SELENOT: variants seen among roughly 807,000 people sequenced by gnomAD.
The protein encoded by SELENOT is selenoprotein T, also known as thioredoxin reductase-like selenoprotein T.
SELENOT carries 9 observed loss-of-function variants against 24.3 expected under a neutral mutation model. The ratio of observed to expected loss-of-function variants is 0.37; its 90% confidence interval spans 0.22 to 0.65. The LOEUF (loss-of-function observed/expected upper bound fraction) is 0.65, where lower values mean the gene tolerates loss of function less well. SELENOT is among the 30% of genes least tolerant of loss of function. The pLI is 0.60. For missense variants in SELENOT, 166 were observed against 247.6 expected, an observed-to-expected ratio of 0.67 and a Z score of 2.21; for synonymous variants, 81 against 86.0, an observed-to-expected ratio of 0.94 and a Z score of 0.32.
intron 1 of SELENOT, chr3:150,611,648 C>G (rs892228922): frequency 1.3e-6 from 2 of 1,592,636 alleles, no homozygotes; most frequent in Admixed American, 1.7e-5. Flanking sequence ...ATATGCTCTT[C>G]TGGATCCTCT....
At chr3:150,605,421 AG>A (rs1490188833) in intron 1 of SELENOT, among the ~76,000 whole-genome samples, 2 of 152,176 alleles carry the variant, frequency 1.3e-5, no homozygotes, top group Non-Finnish European at 2.9e-5. Context: ...AACGTAGGGA[AG>A]GGCATTCAGT....
chr3:150,603,546 G>A (rs773545439), intron 1 of SELENOT, 47 bp downstream of exon 1: 90 of 1,528,522 alleles, frequency 5.9e-5, no homozygotes, highest in Non-Finnish European at 6.8e-5. Flanking sequence ...GCCTCTGCTC[G>A]GCGCCATTGG....
intron 1 of SELENOT, among the ~76,000 whole-genome samples, chr3:150,607,385 A>G (rs1032744045): frequency 6.6e-6 from 1 of 152,208 alleles, no homozygotes; most frequent in African/African-American, 2.4e-5. Context: ...TAAAATGCTG[A>G]ATTGGAGAAA....
intron 4 of SELENOT, 39 bp from the exon 5 acceptor site, chr3:150,626,971 C>G: frequency 6.3e-7 from 1 of 1,596,244 alleles, no homozygotes; most frequent in Non-Finnish European, 8.5e-7. Context: ...ATAAAATCAT[C>G]TTTAATTTTT....
intron 1 of SELENOT, chr3:150,611,557 A>G (rs930688487): frequency 8.3e-7 from 1 of 1,205,164 alleles, no homozygotes; most frequent in Non-Finnish European, 1.2e-6. Context: ...TCTGTTTCGA[A>G]TACTCTGAAT....
In SELENOT at chr3:150,622,420, A is replaced by G. The variant is rs1282371048; in HGVS notation, c.173A>G (p.Tyr58Cys). Reference sequence around the variant, plus strand: ...GGTTATAGGCGGGTGTTTGAGGAGTACATGCGGGTTATTAGCCAGCGGTAC... The same window carrying G: ...GGTTATAGGCGGGTGTTTGAGGAGTGCATGCGGGTTATTAGCCAGCGGTAC... ...SUGYRRVFEE[Y>C]MRVISQRYPD... Residue 58 changes from tyrosine to cysteine, a missense_variant, in exon 2 of 6, where the codon TAC becomes TGC. Tyr to Cys is a radical substitution (Grantham distance 194). Transcript: ENST00000471696. The G allele has an allele frequency of 1.3e-6, 2 of 1,495,422 alleles. No individual in the cohort carries two copies. Among genetic ancestry groups the G allele is most frequent in the African/African-American group, 2.8e-5 (2 of 71,456 alleles). The allele number at this position is 1,495,422 out of a possible 1,614,324, so 92.6% of individuals were successfully genotyped here. A position where few individuals can be genotyped will look rare whatever the true frequency, so the allele number is the denominator to read the frequency against.
At chr3:150,612,573 A>G (rs1006106461) in intron 1 of SELENOT, among the ~76,000 whole-genome samples, 5 of 152,348 alleles carry the variant, frequency 3.3e-5, no homozygotes, top group East Asian at 1.9e-4. Context: ...TATTTGCTCA[A>G]TTATAAAGTG....
At chr3:150,617,316 T>C (rs972495516) in intron 1 of SELENOT, among the ~76,000 whole-genome samples, 1 of 152,174 alleles carries the variant, frequency 6.6e-6, no homozygotes, top group Non-Finnish European at 1.5e-5. Context: ...TTTAACAAAT[T>C]GAGGAAAGGC....
Position 150,623,296 on chromosome 3 carries a change from C to CAGTTTTAT in SELENOT, c.375+128_375+135dup, listed in dbSNP as rs1726379422. 6 of 880,464 alleles carry CAGTTTTAT rather than the reference C, an allele frequency of 6.8e-6. No individual in the cohort carries two copies. The East Asian group carries it at 2.0e-4, about 29-fold the overall frequency. The allele number at this position is 880,464 out of a possible 1,614,324, so 54.5% of individuals were successfully genotyped here. On this transcript the variant is annotated intron_variant, in intron 3 of 5. Transcript: ENST00000471696. ...TAACATGTATTATTTTAATTTATAC[C>CAGTTTTAT]AGTTTTATCTCTGGGGAAGTCACTT...
intron 1 of SELENOT, among the ~76,000 whole-genome samples, chr3:150,605,414 G>A (rs976021759): frequency 2.0e-5 from 3 of 151,890 alleles, no homozygotes; most frequent in African/African-American, 7.3e-5. Context: ...GTAAACAAAC[G>A]TAGGGAAGGG....
Position 150,623,095 on chromosome 3 carries a change from A to G in SELENOT, c.301A>G (p.Ile101Val), listed in dbSNP as rs771762498. The G allele has an allele frequency of 2.9e-5, 46 of 1,605,732 alleles. 1 individual carries two copies. In the Middle Eastern group the frequency reaches 6.3e-4, roughly 22 times the overall value. ...VFKLVLIGLI[I>V]VGKDPFAFFG... ...CAAACTAGTATTAATAGGCTTAATA[A>G]TTGTTGGCAAGGATCCTTTTGCTTT... Residue 101 changes from isoleucine (I) to valine (V), a missense_variant, in exon 3 of 6, where the codon ATT becomes GTT. This residue lies in a region of SELENOT where 71 missense variants were observed against 89.2 expected (regional missense o/e 0.80). Coordinates refer to ENST00000471696, the MANE Select transcript of SELENOT (RefSeq NM_016275.5).
intron 1 of SELENOT, among the ~76,000 whole-genome samples, chr3:150,619,303 G>A (rs535036823): frequency 1.3e-5 from 2 of 151,998 alleles, no homozygotes; most frequent in South Asian, 2.1e-4. Flanking sequence ...AAGCCGAGGC[G>A]GGTGGATCAT....
At chr3:150,626,027 G>A (rs1457927964) in intron 4 of SELENOT, among the ~76,000 whole-genome samples, 1 of 151,948 alleles carries the variant, frequency 6.6e-6, no homozygotes, top group Non-Finnish European at 1.5e-5. Context: ...CTGCCACCAC[G>A]CCTGGCTAAT....
chr3:150,626,580 A>G (rs1043928136), intron 4 of SELENOT, among the ~76,000 whole-genome samples: 1 of 151,932 alleles, frequency 6.6e-6, no homozygotes, highest in Non-Finnish European at 1.5e-5. Context: ...TCCCTCAGCT[A>G]TGCTGATTTT....
rs3773610 is a variant in SELENOT at position 150,624,093 on chromosome 3, T to C, written c.376-719T>C. On this transcript the variant is annotated intron_variant, in intron 3 of 5. Transcript: ENST00000471696. ...AAATATATCTCTACCCTGTAGGTTT[T>C]ATGACATTTCCTTGTATATTGTTCC... Among the ~76,000 whole-genome samples, 238 of 152,296 alleles carry C rather than the reference T, an allele frequency of 1.6e-3. 4 individuals are homozygous for C. The East Asian group carries it at 0.041, about 26-fold the overall frequency.
At chr3:150,606,230 C>A (rs1161973178) in intron 1 of SELENOT, among the ~76,000 whole-genome samples, 1 of 147,942 alleles carries the variant, frequency 6.8e-6, no homozygotes, top group Admixed American at 6.9e-5. Flanking sequence ...GGAGCCTTGA[C>A]TTCCTGAGTT....
At position 150,630,332 on chromosome 3, in the gene SELENOT, C is replaced by T. The variant is rs755978603; in HGVS notation, c.*2703C>T. On this transcript the variant is annotated 3_prime_UTR_variant, in exon 6 of 6. Coordinates refer to ENST00000471696, the MANE Select transcript of SELENOT (RefSeq NM_016275.5). Reference sequence around the variant, plus strand: ...TTAAACATGGTGTGGTATTCTAAAGCCTTTTTTTTAAAAAAAGAGATCTTT... The same window carrying T: ...TTAAACATGGTGTGGTATTCTAAAGTCTTTTTTTTAAAAAAAGAGATCTTT... 6.6e-6 allele frequency: 1 copy of T among 151,892 alleles called. No homozygotes were observed. Among genetic ancestry groups the T allele is most frequent in the Non-Finnish European group, 1.5e-5 (1 of 67,972 alleles). The allele number at this position is 151,892 out of a possible 1,614,324, so 9.4% of individuals were successfully genotyped here.
In SELENOT at chr3:150,607,930, G is replaced by A. The variant is rs145672506; in HGVS notation, c.137+4431G>A. On this transcript the variant is annotated intron_variant, in intron 1 of 5. Coordinates refer to ENST00000471696, the MANE Select transcript of SELENOT (RefSeq NM_016275.5). ...GAATTGATGGGAAACCATTTAGGGC[G>A]GCTTTTGGAGTTGTCCAGGCAAGAG... is the stretch of plus-strand genomic sequence containing the variant. Among the ~76,000 whole-genome samples the A allele has an allele frequency of 4.6e-5, 7 of 152,284 alleles. No individual in the cohort carries two copies. The East Asian group carries it at 1.2e-3, about 25-fold the overall frequency.
At chr3:150,613,334 C>T (rs1726140470) in intron 1 of SELENOT, among the ~76,000 whole-genome samples, 4 of 152,164 alleles carry the variant, frequency 2.6e-5, no homozygotes, top group African/African-American at 9.7e-5. Context: ...TTATTTTCAT[C>T]CTATGCTTTT....
Sources: gnomAD v4.1 joint callset for allele counts (sites outside exome capture counted in the v4.1 genomes callset) on GRCh38, gnomAD v4.1.1 for gene constraint, gnomAD v4.1.1 regional missense constraint, MANE v1.5 for transcripts, NCBI Gene and HGNC (gene_info 2026-07-23, HGNC 2026-07-21) for gene names.